MYCT1: variants seen among roughly 807,000 people sequenced by gnomAD.
MYCT1 encodes the protein myc target protein 1.
A neutral mutation model predicts 15.0 loss-of-function variants in MYCT1; 12 were observed. That is an observed-to-expected ratio of 0.80 (90% CI 0.51 to 1.29). The LOEUF (loss-of-function observed/expected upper bound fraction) is 1.29. Among genes scored for constraint, MYCT1 ranks in the 50% most tolerant of loss-of-function variants. The pLI is 0.00. For synonymous variants in MYCT1, 104 were observed against 102.7 expected (o/e 1.01, Z -0.07); for missense variants, 287 against 279.1 (o/e 1.03, Z -0.20).
chr6:152,716,309 G>A (rs528693496), intron 1 of MYCT1, among the ~76,000 whole-genome samples: 4 of 152,114 alleles, frequency 2.6e-5, no homozygotes, highest in South Asian at 4.1e-4. Context: ...AGCCCTTTTC[G>A]TCAAAAGTAG....
chr6:152,740,895 T>C, the MYCT1 span, among the ~76,000 whole-genome samples: 1 of 152,188 alleles, frequency 6.6e-6, no homozygotes, highest in Non-Finnish European at 1.5e-5. Context: ...GAAAGGTCTT[T>C]ATAGGTCAAG....
the MYCT1 span, among the ~76,000 whole-genome samples, chr6:152,731,429 G>A: frequency 5.3e-5 from 8 of 152,046 alleles, no homozygotes; most frequent in African/African-American, 1.9e-4. Flanking sequence ...ATGCAGGTTT[G>A]TTACATATGT....
At chr6:152,734,514 T>A in the MYCT1 span, among the ~76,000 whole-genome samples, 1 of 152,176 alleles carries the variant, frequency 6.6e-6, no homozygotes, top group Non-Finnish European at 1.5e-5. Flanking sequence ...AGCAGTATTC[T>A]TTCTGGGTGG....
rs183290679 is a variant in MYCT1, at chr6:152,717,363, T to C, written c.197-4379T>C. ...TGTCAGCAGTATTATTTGTAGGTGT[T>C]TTAATATTCTGCAAGGTATAAGAAT... is the stretch of plus-strand genomic sequence containing the variant. On this transcript the variant is annotated intron_variant, in intron 1 of 1. Transcript: ENST00000367245. Among the ~76,000 whole-genome samples, 45 of 152,286 alleles carry C rather than the reference T, an allele frequency of 3.0e-4. No individual in the cohort carries two copies. In the East Asian group the frequency reaches 5.8e-3, roughly 20 times the overall value.
At chr6:152,732,028 G>A in the MYCT1 span, among the ~76,000 whole-genome samples, 2 of 152,180 alleles carry the variant, frequency 1.3e-5, no homozygotes, top group Non-Finnish European at 2.9e-5. Context: ...AGTAAGTTTG[G>A]AAGGCTTATT....
At chr6:152,706,952 G>A (rs539320728) in intron 1 of MYCT1, among the ~76,000 whole-genome samples, 1 of 151,976 alleles carries the variant, frequency 6.6e-6, no homozygotes, top group African/African-American at 2.4e-5. Context: ...TGGCCATTGT[G>A]ACAATGCTGC....
the MYCT1 span, among the ~76,000 whole-genome samples, chr6:152,740,777 T>C: frequency 1.3e-5 from 2 of 152,302 alleles, no homozygotes; most frequent in East Asian, 1.9e-4. Context: ...AATTTTTTTA[T>C]ATAAAAATTT....
At chr6:152,742,211 A>C in the MYCT1 span, among the ~76,000 whole-genome samples, 3 of 152,190 alleles carry the variant, frequency 2.0e-5, no homozygotes, top group African/African-American at 7.2e-5. Flanking sequence ...ACAAGGGCCC[A>C]AAATCACAGC....
the MYCT1 span, among the ~76,000 whole-genome samples, chr6:152,730,544 A>C: frequency 6.6e-6 from 1 of 152,196 alleles, no homozygotes; most frequent in Non-Finnish European, 1.5e-5. Context: ...TGTCTCCATT[A>C]CTACTTTTGT....
At chr6:152,719,196 G>C (rs1164520798) in intron 1 of MYCT1, among the ~76,000 whole-genome samples, 1 of 152,118 alleles carries the variant, frequency 6.6e-6, no homozygotes, top group Non-Finnish European at 1.5e-5. Context: ...AAAGGCTATT[G>C]ATTCATGGAA....
intron 1 of MYCT1, among the ~76,000 whole-genome samples, chr6:152,707,906 G>A (rs941138671): frequency 7.2e-5 from 11 of 151,772 alleles, no homozygotes; most frequent in Non-Finnish European, 1.5e-4. Context: ...TTATAGCTTT[G>A]TAGTATATTT....
At position 152,714,305 on chromosome 6, in the gene MYCT1, CTTTTTTT is replaced by C. The variant is rs5880998; in HGVS notation, c.197-7427_197-7421del. Among the ~76,000 whole-genome samples the C allele has an allele frequency of 3.3e-4, 40 of 120,034 alleles. 1 individual carries two copies. Among genetic ancestry groups the C allele is most frequent in the African/African-American group, 1.2e-3 (38 of 31,800 alleles). The allele number at this position is 120,034 out of a possible 152,430, so 78.7% of individuals were successfully genotyped here. A position where few individuals can be genotyped will look rare whatever the true frequency, so the allele number is the denominator to read the frequency against. On this transcript the variant is annotated intron_variant, in intron 1 of 1. Transcript: ENST00000367245. Reference sequence around the variant, plus strand: ...ATAATTTCCTCTATTTTTTCTTTTTCTTTTTTTTTTTTTTTTGCCCCTGTTTCATTAA... The same window carrying C: ...ATAATTTCCTCTATTTTTTCTTTTTCTTTTTTTTTGCCCCTGTTTCATTAA...
In MYCT1 at chr6:152,722,371, G is replaced by A; in HGVS notation, c.*118G>A. 9.9e-7 allele frequency: 1 copy of A among 1,013,248 alleles called. No homozygotes were observed. Among genetic ancestry groups the A allele is most frequent in the Non-Finnish European group, 1.4e-6 (1 of 706,490 alleles). The allele number at this position is 1,013,248 out of a possible 1,614,324, so 62.8% of individuals were successfully genotyped here. On this transcript the variant is annotated 3_prime_UTR_variant, in exon 2 of 2. Transcript: ENST00000367245. ...CCAAATAACTCATGAGTTCCAAGTT[G>A]AAACATGGTTGTGCAAGTTGGACAT...
chr6:152,708,765 C>T (rs1047386176), intron 1 of MYCT1, among the ~76,000 whole-genome samples: 1 of 151,844 alleles, frequency 6.6e-6, no homozygotes, highest in African/African-American at 2.4e-5. Flanking sequence ...TTTCATTATC[C>T]CCAGACTAAG....
At chr6:152,745,562 T>C in the MYCT1 span, among the ~76,000 whole-genome samples, 3 of 152,206 alleles carry the variant, frequency 2.0e-5, no homozygotes, top group Non-Finnish European at 1.5e-5. Context: ...TCAAATGTTG[T>C]CTTTCAGATT....
At chr6:152,708,654 A>T (rs1301996629) in intron 1 of MYCT1, among the ~76,000 whole-genome samples, 1 of 152,018 alleles carries the variant, frequency 6.6e-6, no homozygotes, top group Non-Finnish European at 1.5e-5. Context: ...TTTTTGCTCT[A>T]GCTAGAAAAA....
Position 152,698,026 on chromosome 6 carries a change from C to G in MYCT1, c.124C>G (p.Leu42Val). Residue 42 changes from leucine (L) to valine (V), a missense_variant, in exon 1 of 2, where the codon CTT becomes GTT. Coordinates refer to ENST00000367245, the MANE Select transcript of MYCT1 (RefSeq NM_025107.3). ...TTTTCTTTCTGTTTTTCTTCTCTTT[C>G]TTCTATTTCTTGTGGATATTATGGC... The part of the protein sequence containing the change: ...LVFLSVFLLF[L>V]LFLVDIMANN... The G allele has an allele frequency of 1.2e-6, 2 of 1,610,146 alleles. No homozygotes were observed. The highest frequency in any genetic ancestry group is 1.1e-5 in the South Asian group (1 of 90,330).
intron 1 of MYCT1, among the ~76,000 whole-genome samples, chr6:152,715,682 C>A (rs1049860124): frequency 1.4e-4 from 21 of 152,106 alleles, no homozygotes; most frequent in Admixed American, 1.3e-3. Context: ...GGTGGAGCAG[C>A]CAGGGTAGAC....
At chr6:152,703,542 A>G (rs2078355) in intron 1 of MYCT1, among the ~76,000 whole-genome samples, 32,735 of 152,176 alleles carry the variant, frequency 0.22, 3,985 homozygotes, top group Admixed American at 0.29. Context: ...AAAGGCATCA[A>G]TACAGTTCCC....
Sources: allele counts gnomAD v4.1 joint callset (sites outside exome capture counted in the v4.1 genomes callset), GRCh38; gene constraint gnomAD v4.1.1; transcripts MANE v1.5; gene names NCBI Gene and HGNC (gene_info 2026-07-23, HGNC 2026-07-21).